The following STXBP5L variants were observed in gnomAD, a reference collection of about 807,000 sequenced individuals.
STXBP5L encodes syntaxin-binding protein 5-like.
In STXBP5L, 65 loss-of-function variants were observed where a neutral mutation model predicts 144.5. The observed-to-expected ratio is 0.45, with a 90% CI of 0.37 to 0.55. The LOEUF (loss-of-function observed/expected upper bound fraction) is 0.55, where lower values mean the gene tolerates loss of function less well. STXBP5L is among the 20% of genes least tolerant of loss of function. STXBP5L has a pLI of 0.00. For synonymous variants in STXBP5L, 505 were observed against 469.6 expected (o/e 1.08, Z -0.97); for missense variants, 1,298 against 1,405.5 (o/e 0.92, Z 1.22).
At chr3:121,212,105 T>C (rs2048597746) in intron 10 of STXBP5L, among the ~76,000 whole-genome samples, 1 of 152,194 alleles carries the variant, frequency 6.6e-6, no homozygotes, top group African/African-American at 2.4e-5. Context: ...TTGTAGATTT[T>C]GGATATTAGC....
At chr3:121,107,311 A>T (rs2043759520) in intron 5 of STXBP5L, among the ~76,000 whole-genome samples, 1 of 152,050 alleles carries the variant, frequency 6.6e-6, no homozygotes. Flanking sequence ...CCTGAATGGT[A>T]TTGCCTAGAT....
intron 5 of STXBP5L, among the ~76,000 whole-genome samples, chr3:121,066,514 A>C (rs1000715126): frequency 2.6e-5 from 4 of 152,134 alleles, no homozygotes; most frequent in Non-Finnish European, 4.4e-5. Flanking sequence ...AAGTTACATC[A>C]GTTGATCTTT....
intron 5 of STXBP5L, among the ~76,000 whole-genome samples, chr3:121,097,759 G>A (rs911331339): frequency 7.9e-5 from 12 of 152,094 alleles, no homozygotes; most frequent in African/African-American, 2.9e-4. Context: ...GTTCCTATTC[G>A]GCCATTTTGC....
intron 3 of STXBP5L, among the ~76,000 whole-genome samples, chr3:120,973,165 T>C (rs1218217910): frequency 6.6e-6 from 1 of 152,160 alleles, no homozygotes; most frequent in Admixed American, 6.6e-5. Flanking sequence ...TTTTTGTAAA[T>C]GTGGTATAAT....
chr3:121,239,564 T>C (rs894739961), intron 13 of STXBP5L, among the ~76,000 whole-genome samples: 3 of 151,500 alleles, frequency 2.0e-5, no homozygotes, highest in African/African-American at 7.3e-5. Flanking sequence ...TGTAGGGACA[T>C]GGATGAAATT....
chr3:121,007,130 T>A (rs1233102697), intron 3 of STXBP5L, among the ~76,000 whole-genome samples: 1 of 152,168 alleles, frequency 6.6e-6, no homozygotes, highest in Admixed American at 6.6e-5. Context: ...TCCAGCTTTT[T>A]AAAAGTTATT....
At chr3:121,151,272 A>T (rs964763168) in intron 7 of STXBP5L, among the ~76,000 whole-genome samples, 10 of 152,174 alleles carry the variant, frequency 6.6e-5, no homozygotes, top group African/African-American at 2.2e-4. Context: ...TTAGCAAGTC[A>T]TATATGCCAT....
chr3:121,377,213 C>G (rs1469774472), intron 20 of STXBP5L, among the ~76,000 whole-genome samples: 1 of 152,060 alleles, frequency 6.6e-6, no homozygotes, highest in Non-Finnish European at 1.5e-5. Context: ...ATTTGAATAC[C>G]CTTTATTTCT....
intron 3 of STXBP5L, among the ~76,000 whole-genome samples, chr3:121,014,368 G>T (rs887418487): frequency 6.6e-6 from 1 of 152,012 alleles, no homozygotes; most frequent in East Asian, 1.9e-4. Context: ...TCACCACATA[G>T]CAGGGTTGTC....
intron 5 of STXBP5L, among the ~76,000 whole-genome samples, chr3:121,091,006 C>T (rs772318271): frequency 2.7e-5 from 4 of 147,904 alleles, no homozygotes; most frequent in African/African-American, 5.0e-5. Context: ...TCAATTCCCA[C>T]CTATGAGTGA....
intron 3 of STXBP5L, among the ~76,000 whole-genome samples, chr3:120,996,457 T>A (rs1462799949): frequency 6.6e-6 from 1 of 152,186 alleles, no homozygotes; most frequent in Non-Finnish European, 1.5e-5. Flanking sequence ...AGTTACCATT[T>A]TGAGGAGTGT....
At chr3:121,099,228 G>A (rs2331523) in intron 5 of STXBP5L, 146,640 of 152,294 alleles carry the variant, frequency 0.96, 70,651 homozygotes, top group African/African-American at 0.99. Context: ...TGGTATCAGG[G>A]TTCAGTGAAC....
chr3:120,981,876 A>G (rs1367960564), intron 3 of STXBP5L, among the ~76,000 whole-genome samples: 2 of 152,104 alleles, frequency 1.3e-5, no homozygotes, highest in Non-Finnish European at 2.9e-5. Flanking sequence ...ATTGTCCTGT[A>G]TGTTGTGTAT....
intron 18 of STXBP5L, among the ~76,000 whole-genome samples, chr3:121,268,704 C>T (rs189954355): frequency 6.6e-5 from 10 of 152,184 alleles, no homozygotes; most frequent in Non-Finnish European, 1.3e-4. Flanking sequence ...AGAAAAACCA[C>T]GGCCACTTTC....
chr3:121,204,418 G>A (rs1003663032), intron 9 of STXBP5L, among the ~76,000 whole-genome samples: 1 of 152,018 alleles, frequency 6.6e-6, no homozygotes, highest in Non-Finnish European at 1.5e-5. Flanking sequence ...AGTCAACATA[G>A]GGTAAAATAA....
chr3:121,115,142 G>A, intron 6 of STXBP5L, 83 bp downstream of exon 6: 1 of 1,338,334 alleles, frequency 7.5e-7, no homozygotes, highest in Non-Finnish European at 1.0e-6. Context: ...ACAGTTATTT[G>A]ATACGTCTAT....
At chr3:121,134,100 AATTT>A (rs1159269265) in intron 7 of STXBP5L, among the ~76,000 whole-genome samples, 3 of 152,076 alleles carry the variant, frequency 2.0e-5, no homozygotes, top group African/African-American at 7.2e-5. Context: ...AAAGAAAAGG[AATTT>A]ATTTATTACA....
intron 20 of STXBP5L, among the ~76,000 whole-genome samples, chr3:121,347,547 G>A (rs1208179236): frequency 6.6e-6 from 1 of 152,100 alleles, no homozygotes; most frequent in Admixed American, 6.6e-5. Context: ...ATTACCTTGG[G>A]CAGTATGGCC....
chr3:120,988,465 T>A (rs1197002763), intron 3 of STXBP5L, among the ~76,000 whole-genome samples: 1 of 152,026 alleles, frequency 6.6e-6, no homozygotes, highest in South Asian at 2.1e-4. Context: ...GAAAAAACAC[T>A]CTGCTTCACC....
Sources: gnomAD v4.1 joint callset for allele counts (sites outside exome capture counted in the v4.1 genomes callset) on GRCh38, gnomAD v4.1.1 for gene constraint, MANE v1.5 for transcripts, NCBI Gene and HGNC (gene_info 2026-07-23, HGNC 2026-07-21) for gene names.